The following LAMTOR4 variants were observed in gnomAD, a reference collection of about 807,000 sequenced individuals.
LAMTOR4 encodes late endosomal/lysosomal adaptor, MAPK and MTOR activator 4, also known as ragulator complex protein LAMTOR4.
LAMTOR4 carries 11 observed loss-of-function variants against 13.5 expected under a neutral mutation model. That is an observed-to-expected ratio of 0.82 (90% CI 0.51 to 1.35). The LOEUF is 1.35. LAMTOR4 is among the 40% of genes most tolerant of loss of function. The pLI is 0.00. For missense variants in LAMTOR4, 128 were observed against 126.2 expected, an observed-to-expected ratio of 1.01 and a Z score of -0.07; for synonymous variants, 69 against 52.3, an observed-to-expected ratio of 1.32 and a Z score of -1.38.
intron 2 of LAMTOR4, 53 bp from the exon 3 acceptor site, chr7:100,153,347 T>C: frequency 7.7e-7 from 1 of 1,292,452 alleles, no homozygotes; most frequent in Non-Finnish European, 1.1e-6. Flanking sequence ...TGGAATTCCT[T>C]CCTGAGCCTG....
At chr7:100,151,624 G>A (rs990504621) in intron 2 of LAMTOR4, among the ~76,000 whole-genome samples, 50 of 151,506 alleles carry the variant, frequency 3.3e-4, no homozygotes, top group African/African-American at 1.2e-3. Flanking sequence ...TCCTGACCTC[G>A]TGATCCGCCT....
At chr7:100,150,388 C>T (rs1332062948) in intron 2 of LAMTOR4, among the ~76,000 whole-genome samples, 4 of 152,152 alleles carry the variant, frequency 2.6e-5, no homozygotes, top group African/African-American at 4.8e-5. Context: ...AGGAATTCAG[C>T]CCACCTTAAA....
chr7:100,152,498 T>C (rs964761318), intron 2 of LAMTOR4, among the ~76,000 whole-genome samples: 3 of 152,060 alleles, frequency 2.0e-5, no homozygotes, highest in Admixed American at 6.6e-5. Context: ...ACTTTAGACA[T>C]TGAGTTTGAT....
chr7:100,153,185 TC>T (rs958278295), intron 2 of LAMTOR4, among the ~76,000 whole-genome samples: 6 of 151,368 alleles, frequency 4.0e-5, no homozygotes, highest in Admixed American at 1.3e-4. Context: ...TTACTGCTCA[TC>T]CGGGGAAGGC....
chr7:100,148,942 G>A lies in LAMTOR4; in HGVS notation c.-31G>A, dbSNP rs781061559. ...CCTGAAGCCGGAAGCTACCTATCTG[G>A]TAGGGAGCTCCCCCAGCACCGAAGA... is the stretch of plus-strand genomic sequence containing the variant. On this transcript the variant is annotated 5_prime_UTR_variant, in exon 1 of 4. Transcript: ENST00000341942. 3.7e-6 allele frequency: 6 copies of A among 1,612,022 alleles called. No individual in the cohort carries two copies. Among genetic ancestry groups the A allele is most frequent in the Middle Eastern group, 1.6e-4 (1 of 6,084 alleles).
intron 1 of LAMTOR4, 95 bp from the exon 2 acceptor site, chr7:100,149,404 C>T (rs938859371): frequency 8.3e-6 from 7 of 847,124 alleles, no homozygotes; most frequent in Admixed American, 5.4e-5. Flanking sequence ...AACCTGGGGC[C>T]ATCGTCAACC....
intron 2 of LAMTOR4, among the ~76,000 whole-genome samples, chr7:100,151,283 C>T (rs1798690964): frequency 6.6e-6 from 1 of 151,868 alleles, no homozygotes; most frequent in South Asian, 2.1e-4. Flanking sequence ...CCATGTTGGC[C>T]GGGCTGGTCT....
Position 100,151,694 on chromosome 7 carries a change from TTTTG to T in LAMTOR4, c.85-1694_85-1691del, listed in dbSNP as rs1218287237. ...TGAGCCACAGCACCCCGTCCTGTTT[TTTTG>T]TTTGTTTGTTTTTTTTTAAGATAGA... On this transcript the variant is annotated intron_variant, in intron 2 of 3. Transcript: ENST00000341942. Among the ~76,000 whole-genome samples, 484 of 151,646 alleles carry T rather than the reference TTTTG, an allele frequency of 3.2e-3. 3 individuals carry two copies. Among genetic ancestry groups the T allele is most frequent in the African/African-American group, 0.011 (457 of 41,378 alleles).
rs780503123 is a variant in LAMTOR4, at chr7:100,153,392, G to A, written c.85-8G>A. 5.5e-5 allele frequency: 87 copies of A among 1,595,486 alleles called. No individual in the cohort carries two copies. The highest frequency in any genetic ancestry group is 3.3e-4 in the Middle Eastern group (2 of 6,026). On this transcript the variant is annotated splice_region_variant and splice_polypyrimidine_tract_variant and intron_variant, in intron 2 of 3. Transcript: ENST00000341942. ...GCCCGCCCCTCTCCCTCCTCCGTCT[G>A]CATGCAGTCATCTGGGGACCTGGAG... is the stretch of plus-strand genomic sequence containing the variant.
chr7:100,149,241 C>T, intron 1 of LAMTOR4: 1 of 600,162 alleles, frequency 1.7e-6, no homozygotes, highest in Non-Finnish European at 2.9e-6. Context: ...GCCAGTGGGG[C>T]AGCAAAGGCC....
chr7:100,151,984 A>G (rs558450570), intron 2 of LAMTOR4, among the ~76,000 whole-genome samples: 98 of 152,266 alleles, frequency 6.4e-4, no homozygotes, highest in African/African-American at 2.3e-3. Context: ...GATTACAGGC[A>G]TGAGCTCCTG....
intron 2 of LAMTOR4, among the ~76,000 whole-genome samples, chr7:100,150,195 G>A (rs182987929): frequency 7.2e-5 from 11 of 152,202 alleles, no homozygotes; most frequent in Admixed American, 1.3e-4. Context: ...ATTTCTTAAA[G>A]AGGCATTTGT....
chr7:100,154,054 A>G lies in LAMTOR4; in HGVS notation c.*90A>G. ...CACCTGTCGGTCTTGGCTTGCTGCT[A>G]GAACTAGGGCCTTCTGCTCGCCCAC... On this transcript the variant is annotated 3_prime_UTR_variant, in exon 4 of 4. Transcript: ENST00000341942. The G allele has an allele frequency of 1.0e-6, 1 of 986,102 alleles. No homozygotes were observed. The highest frequency in any genetic ancestry group is 1.6e-6 in the Non-Finnish European group (1 of 635,496). The allele number at this position is 986,102 out of a possible 1,614,324, so 61.1% of individuals were successfully genotyped here.
intron 2 of LAMTOR4, among the ~76,000 whole-genome samples, chr7:100,151,864 T>TAAAA: frequency 7.1e-6 from 1 of 141,678 alleles, no homozygotes; most frequent in South Asian, 2.3e-4. Context: ...GCCCAGCCAT[T>TAAAA]AAAAAAAAAA....
rs745948766 is a variant in LAMTOR4, at chr7:100,153,954, T to C, written c.290T>C (p.Ile97Thr). 4.4e-5 allele frequency: 69 copies of C among 1,585,954 alleles called. 1 individual carries two copies. The highest frequency in any genetic ancestry group is 3.3e-4 in the Middle Eastern group (2 of 6,052). The part of the protein sequence containing the change: ...VKRQNRGREP[I>T]DV ...AGGCAGAACCGAGGTCGGGAGCCCA[T>C]TGATGTCTGAGCCTGCCGGAGGGCG... Residue 97 changes from isoleucine (I) to threonine (T), a missense_variant, in exon 4 of 4, where the codon ATT (isoleucine) becomes ACT (threonine). Ile to Thr is a moderately conservative substitution (Grantham distance 89, BLOSUM62 -1). Transcript: ENST00000341942.
At chr7:100,152,159 C>T (rs1798724494) in intron 2 of LAMTOR4, among the ~76,000 whole-genome samples, 1 of 152,200 alleles carries the variant, frequency 6.6e-6, no homozygotes. Context: ...CCTTTAATCC[C>T]AGCACTTTGG....
chr7:100,150,882 G>A (rs1020175251), intron 2 of LAMTOR4, among the ~76,000 whole-genome samples: 1 of 151,616 alleles, frequency 6.6e-6, no homozygotes, highest in African/African-American at 2.4e-5. Flanking sequence ...CCAGCTACTC[G>A]GGAAGCTGAG....
At position 100,150,781 on chromosome 7, in the gene LAMTOR4, C is replaced by G. The variant is rs192412524; in HGVS notation, c.84+1202C>G. 8.6e-5 allele frequency among the ~76,000 whole-genome samples: 13 copies of G among 151,774 alleles called. No individual in the cohort carries two copies. The East Asian group carries it at 2.5e-3, about 30-fold the overall frequency. On this transcript the variant is annotated intron_variant, in intron 2 of 3. Coordinates refer to ENST00000341942, the MANE Select transcript of LAMTOR4 (RefSeq NM_001008395.4). ...CGGGCGGATCACGAGGTCAGGAGAT[C>G]GAGACCATCCTGGCCAACACGGTGA...
At chr7:100,153,113 C>G (rs1798755419) in intron 2 of LAMTOR4, among the ~76,000 whole-genome samples, 1 of 149,638 alleles carries the variant, frequency 6.7e-6, no homozygotes, top group Admixed American at 6.7e-5. Flanking sequence ...CACTGCACTA[C>G]AGCCTGGGTG....
Sources: allele counts gnomAD v4.1 joint callset (sites outside exome capture counted in the v4.1 genomes callset), GRCh38; gene constraint gnomAD v4.1.1; transcripts MANE v1.5; gene names NCBI Gene and HGNC (gene_info 2026-07-23, HGNC 2026-07-21).